SCN8A: variants seen among roughly 807,000 people sequenced by gnomAD.
SCN8A encodes the protein sodium channel protein type 8 subunit alpha.
A neutral mutation model predicts 184.1 loss-of-function variants in SCN8A; 30 were observed. The ratio of observed to expected loss-of-function variants is 0.16; its 90% confidence interval spans 0.12 to 0.22. SCN8A has a LOEUF of 0.22. Among genes scored for constraint, SCN8A ranks in the 10% least tolerant of loss-of-function variants. The pLI is 1.00. For synonymous variants in SCN8A, 852 were observed against 907.0 expected, an observed-to-expected ratio of 0.94 and a Z score of 1.09; for missense variants, 1,057 against 2,498.9, an observed-to-expected ratio of 0.42 and a Z score of 12.30.
chr12:51,695,211 G>C (rs1205757679), intron 6 of SCN8A, among the ~76,000 whole-genome samples: 1 of 152,106 alleles, frequency 6.6e-6, no homozygotes, highest in Non-Finnish European at 1.5e-5. Flanking sequence ...AGATTTATCT[G>C]ACCCTCTGTG....
At chr12:51,657,942 A>G (rs929697193) in intron 1 of SCN8A, among the ~76,000 whole-genome samples, 1 of 151,896 alleles carries the variant, frequency 6.6e-6, no homozygotes, top group African/African-American at 2.4e-5. Context: ...TGTGGATTTA[A>G]TTCTGTGTTT....
At chr12:51,722,390 A>C in intron 12 of SCN8A, 1 of 164,950 alleles carries the variant, frequency 6.1e-6, no homozygotes, top group Non-Finnish European at 1.3e-5. Context: ...GTTTGGAACT[A>C]CCATTGCTTC....
At chr12:51,650,808 A>G (rs1940695357) in intron 1 of SCN8A, among the ~76,000 whole-genome samples, 1 of 152,182 alleles carries the variant, frequency 6.6e-6, no homozygotes, top group Non-Finnish European at 1.5e-5. Flanking sequence ...AGAGGAATTA[A>G]AGACATACAC....
At chr12:51,786,521 C>T (rs771453373) in intron 21 of SCN8A, 21 bp from the exon 22 acceptor site, 1 of 1,613,878 alleles carries the variant, frequency 6.2e-7, no homozygotes, top group East Asian at 2.2e-5. Context: ...CAACACTGAG[C>T]AACCTCCCCT....
intron 2 of SCN8A, among the ~76,000 whole-genome samples, chr12:51,676,080 C>T (rs886569640): frequency 6.6e-5 from 10 of 152,044 alleles, no homozygotes; most frequent in South Asian, 2.1e-4. Flanking sequence ...GTAATAGAGG[C>T]GTGGAAAATG....
Position 51,786,709 on chromosome 12 carries a change from C to A in SCN8A, c.4110C>A (p.Val1370=). The A allele has an allele frequency of 6.2e-7, 1 of 1,613,868 alleles. No individual in the cohort carries two copies. The highest frequency in any genetic ancestry group is 1.1e-5 in the South Asian group (1 of 91,070). The part of the protein sequence containing the change: ...TSEIRFEIED[V]NNKTECEKLM... ...AAATCCGATTTGAAATTGAAGATGTCAACAATAAAACTGAATGTGAAAAGC... is the reference window on the plus strand; with the variant it reads ...AAATCCGATTTGAAATTGAAGATGTAAACAATAAAACTGAATGTGAAAAGC... The change falls in exon 22 of 27, where the codon GTC becomes GTA. Residue 1370 remains valine, a synonymous_variant. Transcript: ENST00000627620.
At chr12:51,795,540 A>G (rs1411490314) in intron 26 of SCN8A, among the ~76,000 whole-genome samples, 1 of 152,192 alleles carries the variant, frequency 6.6e-6, no homozygotes, top group East Asian at 1.9e-4. Context: ...AAGGTACCAG[A>G]AGGCAGGGGT....
intron 2 of SCN8A, among the ~76,000 whole-genome samples, chr12:51,679,888 G>C (rs1480768830): frequency 2.0e-5 from 3 of 151,876 alleles, no homozygotes; most frequent in Non-Finnish European, 4.4e-5. Flanking sequence ...ACCATGTCGG[G>C]CTAATTTTTG....
chr12:51,757,732 A>G (rs1160510698), intron 14 of SCN8A, among the ~76,000 whole-genome samples: 1 of 152,188 alleles, frequency 6.6e-6, no homozygotes, highest in Admixed American at 6.5e-5. Context: ...AGCTGCAGTG[A>G]GCTATGATCA....
chr12:51,775,331 A>G (rs1937656975), intron 20 of SCN8A, among the ~76,000 whole-genome samples: 1 of 152,246 alleles, frequency 6.6e-6, no homozygotes, highest in African/African-American at 2.4e-5. Context: ...AGAGCAGCAT[A>G]GAAATCTCTC....
chr12:51,709,608 G>C (rs1352723438), intron 11 of SCN8A, among the ~76,000 whole-genome samples: 1 of 152,170 alleles, frequency 6.6e-6, no homozygotes. Flanking sequence ...ACATGTTTTA[G>C]TCCAGAGTAA....
chr12:51,606,436 C>T (rs900246203), intron 1 of SCN8A, among the ~76,000 whole-genome samples: 5 of 152,158 alleles, frequency 3.3e-5, no homozygotes, highest in East Asian at 3.8e-4. Context: ...TATTCTGTTC[C>T]GTTGGTCTAT....
chr12:51,603,909 T>C (rs1939525569), intron 1 of SCN8A, among the ~76,000 whole-genome samples: 1 of 152,206 alleles, frequency 6.6e-6, no homozygotes, highest in Admixed American at 6.5e-5. Context: ...ATTGTTTGTA[T>C]TCTTACTATG....
intron 11 of SCN8A, chr12:51,712,909 C>G: frequency 6.3e-7 from 1 of 1,586,078 alleles, no homozygotes; most frequent in Non-Finnish European, 8.7e-7. Context: ...ATTACCTCCA[C>G]CACCTCCAAA....
chr12:51,758,062 T>C (rs1046734058), intron 14 of SCN8A, among the ~76,000 whole-genome samples: 3 of 152,232 alleles, frequency 2.0e-5, no homozygotes, highest in African/African-American at 4.8e-5. Flanking sequence ...GGAGCATGGC[T>C]TGAGGCCAGG....
intron 6 of SCN8A, among the ~76,000 whole-genome samples, chr12:51,693,013 C>A (rs1053108176): frequency 4.6e-5 from 7 of 152,148 alleles, no homozygotes; most frequent in African/African-American, 1.7e-4. Flanking sequence ...TTTCTCTTGG[C>A]AATTTTATTT....
chr12:51,630,024 T>C (rs1357394616), intron 1 of SCN8A, among the ~76,000 whole-genome samples: 3 of 152,186 alleles, frequency 2.0e-5, no homozygotes, highest in African/African-American at 7.2e-5. Flanking sequence ...TTGAATTTTA[T>C]CTCCTCCATT....
At chr12:51,702,648 C>T in intron 8 of SCN8A, 125 bp from the exon 9 acceptor site, 1 of 784,670 alleles carries the variant, frequency 1.3e-6, no homozygotes, top group South Asian at 4.9e-5. Flanking sequence ...TGGCCTGGCT[C>T]TATCAATGGT....
intron 11 of SCN8A, 125 bp downstream of exon 11, chr12:51,706,840 T>C: frequency 1.5e-6 from 1 of 676,646 alleles, no homozygotes; most frequent in Non-Finnish European, 2.2e-6. Flanking sequence ...CACAATTATA[T>C]TCTTCTTTTT....
Sources: gnomAD v4.1 joint callset for allele counts (sites outside exome capture counted in the v4.1 genomes callset) on GRCh38, gnomAD v4.1.1 for gene constraint, MANE v1.5 for transcripts, NCBI Gene and HGNC (gene_info 2026-07-23, HGNC 2026-07-21) for gene names.